Variants in IQSEC1 observed in about 807,000 individuals in gnomAD.
IQSEC1 encodes IQ motif and Sec7 domain ArfGEF 1.
Under a neutral mutation model 91.0 loss-of-function variants are expected in IQSEC1, and 31 were observed. The observed-to-expected ratio is 0.34, with a 90% CI of 0.26 to 0.46. IQSEC1 has a LOEUF of 0.46. IQSEC1 is among the 20% of genes least tolerant of loss of function. The probability of loss-of-function intolerance (pLI) is 1.00; values close to 1 mark genes in which losing one functional copy is unlikely to be tolerated. For synonymous variants in IQSEC1, 699 were observed against 662.6 expected, an observed-to-expected ratio of 1.05 and a Z score of -0.84; for missense variants, 1,388 against 1,575.6, an observed-to-expected ratio of 0.88 and a Z score of 2.02.
chr3:13,243,390 C>A (rs76205557), intron 1 of IQSEC1, among the ~76,000 whole-genome samples: 7 of 152,114 alleles, frequency 4.6e-5, no homozygotes, highest in Non-Finnish European at 7.4e-5. Context: ...AGGAGCCCTG[C>A]GGAGGCCCCA....
At chr3:12,999,542 C>G (rs1299917927) in intron 1 of IQSEC1, among the ~76,000 whole-genome samples, 1 of 152,164 alleles carries the variant, frequency 6.6e-6, no homozygotes, top group Non-Finnish European at 1.5e-5. Flanking sequence ...TGACACAGCA[C>G]TGGGCGCCCA....
chr3:13,037,380 A>G (rs540494670), intron 1 of IQSEC1, among the ~76,000 whole-genome samples: 1 of 152,340 alleles, frequency 6.6e-6, no homozygotes, highest in African/African-American at 2.4e-5. Context: ...GAAAAATGGG[A>G]CATCACCAAA....
intron 1 of IQSEC1, among the ~76,000 whole-genome samples, chr3:13,032,408 G>A (rs1251613769): frequency 6.6e-6 from 1 of 152,204 alleles, no homozygotes; most frequent in Non-Finnish European, 1.5e-5. Context: ...AGGCTGTGCT[G>A]CCGTGACTTC....
At chr3:13,183,855 G>A (rs1034691494) in intron 1 of IQSEC1, among the ~76,000 whole-genome samples, 3 of 151,804 alleles carry the variant, frequency 2.0e-5, no homozygotes, top group African/African-American at 2.4e-5. Context: ...AAACATAGCC[G>A]ACAAATAAGG....
intron 1 of IQSEC1, among the ~76,000 whole-genome samples, chr3:12,991,322 C>T (rs981341746): frequency 3.9e-5 from 6 of 152,146 alleles, no homozygotes; most frequent in African/African-American, 7.2e-5. Flanking sequence ...CAGGGCGAGG[C>T]GGGGGCCCAG....
At chr3:13,202,655 T>C (rs1394149804) in intron 1 of IQSEC1, among the ~76,000 whole-genome samples, 2 of 152,056 alleles carry the variant, frequency 1.3e-5, no homozygotes, top group Admixed American at 6.5e-5. Context: ...CAGTGTTTCA[T>C]GGGGACAGAG....
chr3:13,226,363 C>T (rs1694754465), intron 1 of IQSEC1, among the ~76,000 whole-genome samples: 1 of 152,148 alleles, frequency 6.6e-6, no homozygotes, highest in African/African-American at 2.4e-5. Flanking sequence ...ATAATATCCA[C>T]CTCAGATCAT....
chr3:13,106,872 A>G (rs1706161119), intron 2 of IQSEC1, among the ~76,000 whole-genome samples: 1 of 152,242 alleles, frequency 6.6e-6, no homozygotes, highest in Non-Finnish European at 1.5e-5. Flanking sequence ...TTCTATCCAA[A>G]ATACATCATT....
intron 1 of IQSEC1, among the ~76,000 whole-genome samples, chr3:12,956,753 G>C (rs1487702472): frequency 6.6e-6 from 1 of 152,134 alleles, no homozygotes; most frequent in Non-Finnish European, 1.5e-5. Context: ...TGGGGAGTGT[G>C]GGGGGAGCTC....
intron 2 of IQSEC1, among the ~76,000 whole-genome samples, chr3:13,108,564 T>C (rs1706191451): frequency 6.6e-6 from 1 of 152,068 alleles, no homozygotes; most frequent in African/African-American, 2.4e-5. Flanking sequence ...ATTCTCCTTT[T>C]GACGAAACAC....
intron 1 of IQSEC1, among the ~76,000 whole-genome samples, chr3:13,196,142 C>G (rs981366266): frequency 6.6e-6 from 1 of 152,226 alleles, no homozygotes; most frequent in African/African-American, 2.4e-5. Flanking sequence ...TTGAACCCAG[C>G]CACCATGCTG....
chr3:13,027,817 T>C lies in IQSEC1; in HGVS notation c.23+45175A>G, dbSNP rs561805427. On this transcript the variant is annotated intron_variant, in intron 1 of 13. Transcript: ENST00000613206. ...TTGGCTCTGGCTGATGGCTGCTCTG[T>C]AGGAATAAGGGCTCTGATTTTTCAG... 2.6e-5 allele frequency among the ~76,000 whole-genome samples: 4 copies of C among 152,302 alleles called. No homozygotes were observed. In the East Asian group the frequency reaches 7.7e-4, roughly 29 times the overall value.
intron 1 of IQSEC1, among the ~76,000 whole-genome samples, chr3:13,241,012 G>A (rs1397750944): frequency 1.3e-5 from 2 of 152,174 alleles, no homozygotes; most frequent in Non-Finnish European, 2.9e-5. Context: ...CAGTGCACAG[G>A]TGGGCCCACC....
In IQSEC1 at chr3:12,924,913, G is replaced by A. The variant is rs903201899; in HGVS notation, c.1569-171C>T. 8.5e-5 allele frequency among the ~76,000 whole-genome samples: 13 copies of A among 152,182 alleles called. No individual in the cohort carries two copies. The highest frequency in any genetic ancestry group is 2.9e-4 in the African/African-American group (12 of 41,434). On this transcript the variant is annotated intron_variant, in intron 3 of 13. Transcript: ENST00000613206. This position sits in a 1 kb window ranked among gnomAD's most constrained non-coding sequence, Gnocchi z 6.3. ...TCTAGTTCCATCTCCAGCCTGGGTG[G>A]GAACTCAAGAACCCAGGCTGGCACT...
intron 1 of IQSEC1, among the ~76,000 whole-genome samples, chr3:13,191,143 A>G (rs183718802): frequency 5.4e-4 from 82 of 152,250 alleles, no homozygotes; most frequent in Admixed American, 1.7e-3. Context: ...TCCTCCCTCG[A>G]TTTGACACTA....
At chr3:13,122,119 AC>A (rs35526025) in intron 2 of IQSEC1, among the ~76,000 whole-genome samples, 152,334 of 152,334 alleles carry the variant, frequency 1, 76,167 homozygotes, top group Non-Finnish European at 1. Context: ...AGCAATGCCC[AC>A]CCCCGAAGGG....
At chr3:13,107,989 T>A (rs967376294) in intron 2 of IQSEC1, among the ~76,000 whole-genome samples, 1 of 152,144 alleles carries the variant, frequency 6.6e-6, no homozygotes, top group East Asian at 1.9e-4. Context: ...GCCACTCGTA[T>A]CTTATGGCTA....
At chr3:13,158,044 A>G (rs914144969) in intron 2 of IQSEC1, among the ~76,000 whole-genome samples, 1 of 152,218 alleles carries the variant, frequency 6.6e-6, no homozygotes, top group African/African-American at 2.4e-5. Context: ...GCATAGTGAC[A>G]TGAGGGTAAG....
rs745875943 is a variant in IQSEC1 at position 12,920,613 on chromosome 3, AG to A, written c.1854-18del. On this transcript the variant is annotated intron_variant, in intron 5 of 13. Coordinates refer to ENST00000613206, the MANE Select transcript of IQSEC1 (RefSeq NM_001134382.3). ...TAGCGCTGGCTGCGGGCCGGGAGGG[AG>A]GGGGTCAGGGCCATGGCGCAGCAAG... is the stretch of plus-strand genomic sequence containing the variant. 2 of 1,612,432 alleles carry A rather than the reference AG, an allele frequency of 1.2e-6. No individual in the cohort carries two copies. The highest frequency in any genetic ancestry group is 1.1e-5 in the South Asian group (1 of 91,052).
Sources: allele counts gnomAD v4.1 joint callset (sites outside exome capture counted in the v4.1 genomes callset), GRCh38; gene constraint gnomAD v4.1.1; non-coding constraint Gnocchi (gnomAD v3.1); transcripts MANE v1.5; gene names NCBI Gene and HGNC (gene_info 2026-07-23, HGNC 2026-07-21).